Variants in MICU1 observed in about 807,000 individuals in gnomAD.
MICU1 encodes calcium uptake protein 1, mitochondrial.
Under a neutral mutation model 56.8 loss-of-function variants are expected in MICU1, and 45 were observed. The observed-to-expected ratio is 0.79, with a 90% CI of 0.62 to 1.02. MICU1 has a LOEUF of 1.02. Among genes scored for constraint, MICU1 ranks in the 50% least tolerant of loss-of-function variants. The probability of loss-of-function intolerance (pLI) is 0.00; values close to 1 mark genes in which losing one functional copy is unlikely to be tolerated. For synonymous variants in MICU1, 186 were observed against 195.1 expected, an observed-to-expected ratio of 0.95 and a Z score of 0.39; for missense variants, 504 against 587.1, an observed-to-expected ratio of 0.86 and a Z score of 1.46.
intron 4 of MICU1, among the ~76,000 whole-genome samples, chr10:72,547,701 CA>C (rs1839931372): frequency 6.6e-6 from 1 of 152,054 alleles, no homozygotes; most frequent in South Asian, 2.1e-4. Flanking sequence ...GATAGAGAAA[CA>C]TGTTAAACAA....
At position 72,508,164 on chromosome 10, in the gene MICU1, C is replaced by A; in HGVS notation, c.643G>T (p.Val215Phe). The change falls in exon 6 of 12, where the codon GTT becomes TTT. Residue 215 changes from valine (V) to phenylalanine (F), a missense_variant. By Grantham distance (50) the Val-to-Phe change is conservative. Coordinates refer to ENST00000361114, the MANE Select transcript of MICU1 (RefSeq NM_001195518.2). ...SFSDYIFLTT[V>F]LSTPQRNFEI... is the part of the protein sequence containing the mutation. ...AAACGTTTATACTTACTGGAAAGAACAGTTGTGAGGAAAATGTAGTCTGAA... is the reference window on the plus strand; with the variant it reads ...AAACGTTTATACTTACTGGAAAGAAAAGTTGTGAGGAAAATGTAGTCTGAA... 1 of 1,509,268 alleles carries A rather than the reference C, an allele frequency of 6.6e-7. No homozygotes were observed. The allele number at this position is 1,509,268 out of a possible 1,614,324, so 93.5% of individuals were successfully genotyped here. A position where few individuals can be genotyped will look rare whatever the true frequency, so the allele number is the denominator to read the frequency against.
intron 5 of MICU1, among the ~76,000 whole-genome samples, chr10:72,522,628 T>C (rs1473511060): frequency 6.6e-6 from 1 of 152,076 alleles, no homozygotes; most frequent in Non-Finnish European, 1.5e-5. Flanking sequence ...CTCACAGCAG[T>C]CTAAGTATTT....
chr10:72,603,976 C>T (rs1470859764), intron 1 of MICU1, among the ~76,000 whole-genome samples: 5 of 152,100 alleles, frequency 3.3e-5, no homozygotes, highest in African/African-American at 1.2e-4. Context: ...AGAAATTCAA[C>T]ACTCTGAGTT....
chr10:72,463,920 A>G (rs1865711001), intron 8 of MICU1, among the ~76,000 whole-genome samples: 1 of 152,132 alleles, frequency 6.6e-6, no homozygotes, highest in Non-Finnish European at 1.5e-5. Flanking sequence ...CTTTTATACC[A>G]TATTTTTACT....
At chr10:72,429,332 A>C (rs1480064037) in intron 8 of MICU1, among the ~76,000 whole-genome samples, 1 of 151,414 alleles carries the variant, frequency 6.6e-6, no homozygotes, top group African/African-American at 2.4e-5. Context: ...AGGCAAGGGA[A>C]TCAGTTGAAC....
At chr10:72,564,790 T>C (rs1275946126) in intron 2 of MICU1, among the ~76,000 whole-genome samples, 1 of 152,088 alleles carries the variant, frequency 6.6e-6, no homozygotes, top group East Asian at 1.9e-4. Context: ...CTCTCGAGTA[T>C]TGAGTCAACA....
At chr10:72,512,070 C>T (rs1221677004) in intron 5 of MICU1, among the ~76,000 whole-genome samples, 6 of 148,966 alleles carry the variant, frequency 4.0e-5, no homozygotes, top group Non-Finnish European at 8.9e-5. Flanking sequence ...ACAAGTTCAT[C>T]CCTTATCAAT....
chr10:72,556,733 A>G (rs1012970809), intron 3 of MICU1, among the ~76,000 whole-genome samples: 3 of 152,132 alleles, frequency 2.0e-5, no homozygotes, highest in Non-Finnish European at 4.4e-5. Flanking sequence ...TGGTAAAAGC[A>G]TATCTGTAAA....
chr10:72,488,257 T>C, intron 6 of MICU1, among the ~76,000 whole-genome samples: 1 of 151,556 alleles, frequency 6.6e-6, no homozygotes, highest in East Asian at 1.9e-4. Context: ...TACTTGTATA[T>C]CTTTTTATTA....
chr10:72,487,273 T>C (rs778269049), intron 6 of MICU1, among the ~76,000 whole-genome samples: 40 of 152,236 alleles, frequency 2.6e-4, no homozygotes, highest in Admixed American at 8.5e-4. Context: ...GACATCTCAA[T>C]TGGTTTAGCA....
rs963817025 is a variant in MICU1 at position 72,407,837 on chromosome 10, C to G, written c.1180+92G>C. The G allele has an allele frequency of 5.2e-6, 4 of 764,434 alleles. No individual in the cohort carries two copies. In the African/African-American group the frequency reaches 7.0e-5, roughly 13 times the overall value. 47.4% of individuals were successfully genotyped at this position (764,434 alleles called of 1,614,324 possible). A position where few individuals can be genotyped will look rare whatever the true frequency, so the allele number is the denominator to read the frequency against. The stretch of plus-strand genomic sequence containing the variant: ...ACCATTTCAAGGATGCCAAGAAAAA[C>G]TTATCTTTTACTGTTCAGGAGGGGC... On this transcript the variant is annotated intron_variant, in intron 10 of 11. Transcript: ENST00000361114.
chr10:72,595,861 G>A (rs1231068615), intron 1 of MICU1, among the ~76,000 whole-genome samples: 1 of 152,136 alleles, frequency 6.6e-6, no homozygotes, highest in African/African-American at 2.4e-5. Context: ...CAGGTGCAGT[G>A]GCTCTCACCT....
At chr10:72,495,102 G>A (rs1332989835) in intron 6 of MICU1, among the ~76,000 whole-genome samples, 2 of 152,078 alleles carry the variant, frequency 1.3e-5, no homozygotes, top group Admixed American at 1.3e-4. Context: ...AAGAGTTCCT[G>A]GGTGACAGAT....
chr10:72,432,297 CA>C lies in MICU1; in HGVS notation c.934-8927del, dbSNP rs1334973430. 2.0e-5 allele frequency among the ~76,000 whole-genome samples: 3 copies of C among 151,974 alleles called. No homozygotes were observed. The East Asian group carries it at 5.8e-4, about 29-fold the overall frequency. The stretch of plus-strand genomic sequence containing the variant: ...ATTTAATACAAATAAATATAAAAAC[CA>C]AATTTTCTTTTTGTAGAGACGGGGT... On this transcript the variant is annotated intron_variant, in intron 8 of 11. Transcript: ENST00000361114.
intron 6 of MICU1, among the ~76,000 whole-genome samples, chr10:72,478,009 C>G (rs1296854649): frequency 2.0e-5 from 3 of 151,986 alleles, no homozygotes; most frequent in Non-Finnish European, 4.4e-5. Flanking sequence ...ATTGGGATTA[C>G]AGGCATGTAC....
chr10:72,508,866 G>A (rs920964213), intron 5 of MICU1, among the ~76,000 whole-genome samples: 13 of 151,962 alleles, frequency 8.6e-5, no homozygotes, highest in East Asian at 3.9e-4. Context: ...ACACACTTTC[G>A]GCAATTTAAT....
At chr10:72,462,327 TCCACCTTATCCTC>T (rs1459292791) in intron 8 of MICU1, among the ~76,000 whole-genome samples, 1 of 151,792 alleles carries the variant, frequency 6.6e-6, no homozygotes, top group Non-Finnish European at 1.5e-5. Context: ...AGGTAATACT[TCCACCTTATCCTC>T]CCAAGTAGCT....
chr10:72,573,232 G>A (rs1003548665), intron 1 of MICU1, among the ~76,000 whole-genome samples: 1 of 147,654 alleles, frequency 6.8e-6, no homozygotes, highest in Non-Finnish European at 1.5e-5. Flanking sequence ...CAGTTTGGAA[G>A]GCCAATATGG....
chr10:72,594,766 G>C (rs1338635549), intron 1 of MICU1, among the ~76,000 whole-genome samples: 1 of 151,622 alleles, frequency 6.6e-6, no homozygotes, highest in African/African-American at 2.4e-5. Context: ...TCTTTAATTA[G>C]CTGGACATGA....
Sources: gnomAD v4.1 joint callset for allele counts (sites outside exome capture counted in the v4.1 genomes callset) on GRCh38, gnomAD v4.1.1 for gene constraint, MANE v1.5 for transcripts, NCBI Gene and HGNC (gene_info 2026-07-23, HGNC 2026-07-21) for gene names.